CSMD3: variants seen among roughly 807,000 people sequenced by gnomAD.
The protein encoded by CSMD3 is CUB and Sushi multiple domains 3.
In CSMD3, 177 loss-of-function variants were observed where a neutral mutation model predicts 435.2. That is an observed-to-expected ratio of 0.41 (90% CI 0.36 to 0.46). The LOEUF is 0.46. Among genes scored for constraint, CSMD3 ranks in the 20% least tolerant of loss-of-function variants. The pLI is 0.34. For synonymous variants in CSMD3, 1,656 were observed against 1,520.5 expected (o/e 1.09, Z -2.07); for missense variants, 4,265 against 4,504.6 (o/e 0.95, Z 1.52).
At chr8:113,113,138 A>G (rs1028516970) in intron 4 of CSMD3, among the ~76,000 whole-genome samples, 1 of 152,202 alleles carries the variant, frequency 6.6e-6, no homozygotes, top group African/African-American at 2.4e-5. Flanking sequence ...CAGTGCACTA[A>G]GTGGAGAAAC....
intron 31 of CSMD3, 81 bp downstream of exon 31, chr8:112,492,408 G>T: frequency 9.2e-7 from 1 of 1,087,108 alleles, no homozygotes; most frequent in Non-Finnish European, 1.4e-6. Flanking sequence ...AATAGTTGAT[G>T]TTCTGAAACA....
chr8:113,414,540 C>T lies in CSMD3; in HGVS notation c.178+22137G>A, dbSNP rs182884876. 1.0e-3 allele frequency among the ~76,000 whole-genome samples: 154 copies of T among 150,862 alleles called. 1 individual carries two copies. The highest frequency in any genetic ancestry group is 3.6e-3 in the African/African-American group (147 of 41,042). ...GCAGAAAGTACAAATAACAGTGGTG[C>T]TCATGAAAACTCTCTTTGGTGTAAT... is the stretch of plus-strand genomic sequence containing the variant. On this transcript the variant is annotated intron_variant, in intron 1 of 70. Coordinates refer to ENST00000297405, the MANE Select transcript of CSMD3 (RefSeq NM_198123.2).
chr8:112,990,973 T>G (rs960393411), intron 6 of CSMD3, among the ~76,000 whole-genome samples: 1 of 151,690 alleles, frequency 6.6e-6, no homozygotes, highest in African/African-American at 2.4e-5. Flanking sequence ...AAGTAAAATT[T>G]TTGTTGTTCC....
chr8:112,465,282 C>T (rs1817843792), intron 32 of CSMD3, among the ~76,000 whole-genome samples: 1 of 152,156 alleles, frequency 6.6e-6, no homozygotes, highest in Non-Finnish European at 1.5e-5. Flanking sequence ...ATTGAAATTA[C>T]TGACTCCATC....
chr8:113,021,484 C>A (rs372473755), intron 5 of CSMD3, among the ~76,000 whole-genome samples: 3 of 152,098 alleles, frequency 2.0e-5, no homozygotes, highest in African/African-American at 4.8e-5. Flanking sequence ...ACAGGCTGCA[C>A]ACATTTCCAG....
chr8:113,195,225 G>A (rs1230745872), intron 3 of CSMD3, among the ~76,000 whole-genome samples: 2 of 143,720 alleles, frequency 1.4e-5, no homozygotes, highest in Admixed American at 7.0e-5. Flanking sequence ...CCTATTCCAA[G>A]CTTTTTTTTT....
intron 27 of CSMD3, among the ~76,000 whole-genome samples, chr8:112,530,816 T>G (rs1318232141): frequency 6.6e-6 from 1 of 152,176 alleles, no homozygotes; most frequent in African/African-American, 2.4e-5. Flanking sequence ...ACAGAGGGAA[T>G]ACTTATTCTT....
At chr8:112,598,795 C>A (rs1359486813) in intron 22 of CSMD3, among the ~76,000 whole-genome samples, 1 of 152,078 alleles carries the variant, frequency 6.6e-6, no homozygotes, top group Non-Finnish European at 1.5e-5. Context: ...ATAAATGGTG[C>A]TGGGAAAACT....
At chr8:112,285,244 G>A (rs796972268) in intron 58 of CSMD3, among the ~76,000 whole-genome samples, 7 of 152,140 alleles carry the variant, frequency 4.6e-5, no homozygotes, top group African/African-American at 1.4e-4. Flanking sequence ...TGACTTAGAT[G>A]TCACCTACAC....
At chr8:113,377,131 C>T (rs2094390517) in intron 1 of CSMD3, 2 of 1,259,224 alleles carry the variant, frequency 1.6e-6, no homozygotes, top group African/African-American at 3.1e-5. Flanking sequence ...GCTCTCCGGT[C>T]CTCCAAAGGG....
At chr8:112,868,029 CATATGCTTATTCT>C (rs1363305179) in intron 10 of CSMD3, among the ~76,000 whole-genome samples, 1 of 152,104 alleles carries the variant, frequency 6.6e-6, no homozygotes, top group Non-Finnish European at 1.5e-5. Flanking sequence ...TTTATTTCTT[CATATGCTTATTCT>C]ATATGCTTTT....
intron 15 of CSMD3, among the ~76,000 whole-genome samples, chr8:112,682,918 T>G (rs1459803732): frequency 6.6e-6 from 1 of 152,114 alleles, no homozygotes; most frequent in Non-Finnish European, 1.5e-5. Flanking sequence ...CTGGAGACCA[T>G]GAGACTAGCT....
Position 113,195,975 on chromosome 8 carries a change from T to C in CSMD3, c.515-22059A>G, listed in dbSNP as rs574333808. Among the ~76,000 whole-genome samples the C allele has an allele frequency of 4.6e-5, 7 of 150,746 alleles. No individual in the cohort carries two copies. In the South Asian group the frequency reaches 1.2e-3, roughly 27 times the overall value. On this transcript the variant is annotated intron_variant, in intron 3 of 70. Coordinates refer to ENST00000297405, the MANE Select transcript of CSMD3 (RefSeq NM_198123.2). ...CATACAGATATTAGAGGACAACTTA[T>C]GGTATGAGGAAAGGTGTCATCCTTG... is the stretch of plus-strand genomic sequence containing the variant.
At chr8:112,826,944 C>T (rs1291582845) in intron 12 of CSMD3, among the ~76,000 whole-genome samples, 1 of 151,670 alleles carries the variant, frequency 6.6e-6, no homozygotes, top group Non-Finnish European at 1.5e-5. Flanking sequence ...AAAAGGATAT[C>T]AATTGGTACA....
chr8:113,173,173 C>T (rs1183076226), intron 4 of CSMD3, among the ~76,000 whole-genome samples: 2 of 152,056 alleles, frequency 1.3e-5, no homozygotes, highest in East Asian at 1.9e-4. Context: ...CATATAAATA[C>T]ACAATGCATG....
intron 11 of CSMD3, among the ~76,000 whole-genome samples, chr8:112,849,074 T>C (rs1342049055): frequency 6.6e-6 from 1 of 152,138 alleles, no homozygotes; most frequent in Non-Finnish European, 1.5e-5. Flanking sequence ...TCAATACTTA[T>C]TCTTTTGATG....
rs144377397 is a variant in CSMD3, at chr8:113,107,562, C to T, written c.710-8599G>A. Among the ~76,000 whole-genome samples, 1,075 of 152,342 alleles carry T rather than the reference C, an allele frequency of 7.1e-3. 11 individuals are homozygous for T. The highest frequency in any genetic ancestry group is 0.025 in the African/African-American group (1,034 of 41,574). ...CAGCCCACCCTATACACAGGTTTCA[C>T]ATCCCATACTGTATTTTCCAACCAT... On this transcript the variant is annotated intron_variant, in intron 4 of 70. Coordinates refer to ENST00000297405, the MANE Select transcript of CSMD3 (RefSeq NM_198123.2).
At chr8:112,948,771 C>G (rs1167705934) in intron 8 of CSMD3, among the ~76,000 whole-genome samples, 1 of 151,796 alleles carries the variant, frequency 6.6e-6, no homozygotes. Flanking sequence ...TCTAAACCAT[C>G]CAATGCTTGT....
At chr8:113,085,439 A>T (rs1265884153) in intron 5 of CSMD3, among the ~76,000 whole-genome samples, 2 of 152,196 alleles carry the variant, frequency 1.3e-5, no homozygotes, top group African/African-American at 4.8e-5. Flanking sequence ...AGTTATACAA[A>T]GGAAATTAAA....
Sources: allele counts gnomAD v4.1 joint callset (sites outside exome capture counted in the v4.1 genomes callset), GRCh38; gene constraint gnomAD v4.1.1; transcripts MANE v1.5; gene names NCBI Gene and HGNC (gene_info 2026-07-23, HGNC 2026-07-21).